The following MGAM variants were observed in gnomAD, a reference collection of about 807,000 sequenced individuals.
MGAM encodes the protein maltase-glucoamylase.
MGAM carries 253 observed loss-of-function variants against 358.8 expected under a neutral mutation model. That is an observed-to-expected ratio of 0.71 (90% confidence interval 0.64 to 0.78). The LOEUF (loss-of-function observed/expected upper bound fraction) is 0.78. Among genes scored for constraint, MGAM ranks in the 30% least tolerant of loss-of-function variants. MGAM has a pLI of 0.00. For synonymous variants in MGAM, 1,105 were observed against 1,227.1 expected (o/e 0.90, Z 2.08); for missense variants, 3,080 against 3,432.6 (o/e 0.90, Z 2.57).
intron 35 of MGAM, among the ~76,000 whole-genome samples, chr7:142,063,137 G>C (rs149338574): frequency 6.6e-6 from 1 of 152,206 alleles, no homozygotes; most frequent in East Asian, 1.9e-4. Context: ...GGCAGAGTTT[G>C]CAGTGAGCCA....
chr7:142,004,813 C>T (rs1207796301), intron 1 of MGAM, among the ~76,000 whole-genome samples: 2 of 152,022 alleles, frequency 1.3e-5, no homozygotes, highest in Non-Finnish European at 2.9e-5. Flanking sequence ...AGTAAATTTT[C>T]CAAGGTAGTC....
chr7:141,987,634 C>T (rs1229325955), intron 2 of MGAM, among the ~76,000 whole-genome samples: 1 of 152,030 alleles, frequency 6.6e-6, no homozygotes, highest in Non-Finnish European at 1.5e-5. Context: ...GTTTCTAGAA[C>T]AAGATTTGAG....
intron 13 of MGAM, among the ~76,000 whole-genome samples, chr7:142,032,215 G>A (rs1417786500): frequency 6.6e-6 from 1 of 151,906 alleles, no homozygotes; most frequent in African/African-American, 2.4e-5. Context: ...TATGCCTGTG[G>A]TAAAGAAAAA....
chr7:142,005,665 G>A lies in MGAM; in HGVS notation c.127+8G>A. 6.3e-7 allele frequency: 1 copy of A among 1,599,752 alleles called. No individual in the cohort carries two copies. Among genetic ancestry groups the A allele is most frequent in the South Asian group, 1.1e-5 (1 of 89,042 alleles). ...AGTCACTGAAATCAACAGGTAAGAA[G>A]TAACTCTGGGGCTCTCTCCATATGT... On this transcript the variant is annotated splice_region_variant and intron_variant, in intron 2 of 70. Coordinates refer to ENST00000475668, the MANE Select transcript of MGAM (RefSeq NM_001365693.1).
At chr7:142,065,942 T>TGG in intron 40 of MGAM, 111 bp downstream of exon 40, 1 of 838,460 alleles carries the variant, frequency 1.2e-6, no homozygotes, top group Non-Finnish European at 1.7e-6. Context: ...TAAAAAAAGG[T>TGG]GTTTTTTTTT....
intron 40 of MGAM, 113 bp downstream of exon 40, chr7:142,065,944 TTTTTTTTTGTTTTGTTTTGTTTTG>T: frequency 1.3e-6 from 1 of 772,862 alleles, no homozygotes; most frequent in Non-Finnish European, 1.9e-6. Context: ...AAAAAAGGTG[TTTTTTTTTGTTTTGTTTTGTTTTG>T]TTTTTTTTTT....
At chr7:142,064,314 T>G in intron 36 of MGAM, 70 bp from the exon 37 acceptor site, 1 of 1,554,670 alleles carries the variant, frequency 6.4e-7, no homozygotes, top group East Asian at 2.4e-5. Flanking sequence ...CAGGGCCCAG[T>G]CCCTTGAAGA....
At chr7:142,045,404 T>TTATATATACCTATAATACATG (rs1810083546) in intron 21 of MGAM, among the ~76,000 whole-genome samples, 4 of 105,452 alleles carry the variant, frequency 3.8e-5, no homozygotes, top group Non-Finnish European at 7.0e-5. Flanking sequence ...TGATATATTA[T>TTATATATACCTATAATACATG]ATATATTATA....
intron 66 of MGAM, among the ~76,000 whole-genome samples, chr7:142,099,391 T>C (rs1405995707): frequency 6.6e-6 from 1 of 152,144 alleles, no homozygotes; most frequent in Non-Finnish European, 1.5e-5. Flanking sequence ...ATGTAGTTTG[T>C]ACAGTGGAAG....
At position 142,060,305 on chromosome 7, in the gene MGAM, C is replaced by A. The variant is rs750705238; in HGVS notation, c.4060-6C>A. 8.7e-6 allele frequency: 14 copies of A among 1,613,882 alleles called. No individual in the cohort carries two copies. The East Asian group carries it at 3.1e-4, about 36-fold the overall frequency. On this transcript the variant is annotated splice_polypyrimidine_tract_variant and splice_region_variant and intron_variant, in intron 33 of 70. Coordinates refer to ENST00000475668, the MANE Select transcript of MGAM (RefSeq NM_001365693.1). ...GCATCGCTACTGAACGTATTTCTCT[C>A]CATAGGTCTGGCCTGATTTTCCTGA...
upstream of MGAM, among the ~76,000 whole-genome samples, chr7:141,995,674 C>G (rs531218761): frequency 6.6e-6 from 1 of 152,178 alleles, no homozygotes; most frequent in Non-Finnish European, 1.5e-5. Flanking sequence ...TGGAGTGGGT[C>G]ATGGGAGCTG....
chr7:142,061,123 C>G (rs1374856966), intron 34 of MGAM, among the ~76,000 whole-genome samples: 1 of 152,112 alleles, frequency 6.6e-6, no homozygotes, highest in Admixed American at 6.5e-5. Context: ...TATGGACAGG[C>G]AAAGCCAGCA....
rs1814525494 is a variant in MGAM, at chr7:142,083,766, AGTG to A, written c.6381+357_6381+359del. Among the ~76,000 whole-genome samples, 3 of 139,814 alleles carry A rather than the reference AGTG, an allele frequency of 2.1e-5. 1 individual carries two copies. Among genetic ancestry groups the A allele is most frequent in the South Asian group, 2.3e-4 (1 of 4,304 alleles). The allele number at this position is 139,814 out of a possible 152,430, so 91.7% of individuals were successfully genotyped here. ...TGGTGATAATGATGGTGGTAGTAGT[AGTG>A]GTGTTGGTGATGGTGATGATAGTGG... On this transcript the variant is annotated intron_variant, in intron 53 of 70. Coordinates refer to ENST00000475668, the MANE Select transcript of MGAM (RefSeq NM_001365693.1).
chr7:142,073,182 T>A (rs543225324), intron 44 of MGAM, among the ~76,000 whole-genome samples: 1 of 146,506 alleles, frequency 6.8e-6, no homozygotes, highest in African/African-American at 2.4e-5. Flanking sequence ...TAATTTTTCC[T>A]ATAATATTGA....
chr7:142,076,719 A>G lies in MGAM; in HGVS notation c.5386A>G (p.Asn1796Asp), dbSNP rs1395708620. The change falls in exon 47 of 71, where the codon AAT (asparagine) becomes GAT (aspartate). Residue 1796 changes from asparagine to aspartate, a missense_variant. By Grantham distance (23) the Asn-to-Asp change is conservative. Around this residue, in one of 5 missense-constraint regions of MGAM, gnomAD observed 932 missense variants for 1,198.2 expected, o/e 0.78. Transcript: ENST00000475668. ...TYKDPNNLAF[N>D]EIKILGMEEP... ...CAAGGACCCCAATAATTTAGCATTC[A>G]ATGAGATTAAAATTCTTGGGATGGA... is the stretch of plus-strand genomic sequence containing the variant. The G allele has an allele frequency of 4.5e-6, 7 of 1,552,848 alleles. 2 individuals are homozygous for G. The African/African-American group carries it at 5.4e-5, about 12-fold the overall frequency.
At chr7:142,096,853 G>C (rs1220614817) in intron 65 of MGAM, among the ~76,000 whole-genome samples, 1 of 151,964 alleles carries the variant, frequency 6.6e-6, no homozygotes, top group Non-Finnish European at 1.5e-5. Flanking sequence ...CCTCCCAGCA[G>C]TAAAAGCCAT....
Position 142,080,490 on chromosome 7 carries a change from C to G in MGAM, c.5848-301C>G, listed in dbSNP as rs1368843613. On this transcript the variant is annotated intron_variant, in intron 49 of 70. Transcript: ENST00000475668. ...GTATTTATATATTCTCATATACCCACAGAAAATAACAAGTAACATATTCAT... is the reference window on the plus strand; with the variant it reads ...GTATTTATATATTCTCATATACCCAGAGAAAATAACAAGTAACATATTCAT... Among the ~76,000 whole-genome samples the G allele has an allele frequency of 4.1e-5, 6 of 146,288 alleles. 2 individuals are homozygous for G. The highest frequency in any genetic ancestry group is 6.2e-5 in the Non-Finnish European group (4 of 64,612).
intron 16 of MGAM, among the ~76,000 whole-genome samples, 157 bp downstream of exon 16, chr7:142,034,998 T>C (rs577583100): frequency 3.3e-5 from 5 of 152,234 alleles, no homozygotes; most frequent in African/African-American, 7.2e-5. Flanking sequence ...AGGGCTTTGA[T>C]ACCATGACAT....
chr7:142,062,870 C>T (rs1171185052), intron 35 of MGAM, among the ~76,000 whole-genome samples, 168 bp downstream of exon 35: 1 of 152,190 alleles, frequency 6.6e-6, no homozygotes, highest in Non-Finnish European at 1.5e-5. Flanking sequence ...GTAGCCCTCA[C>T]ACCTTCTACC....
Sources: gnomAD v4.1 joint callset for allele counts (sites outside exome capture counted in the v4.1 genomes callset) on GRCh38, gnomAD v4.1.1 for gene constraint, gnomAD v4.1.1 regional missense constraint, MANE v1.5 for transcripts, NCBI Gene and HGNC (gene_info 2026-07-23, HGNC 2026-07-21) for gene names.